ZNF385D: variants seen among roughly 807,000 people sequenced by gnomAD.
ZNF385D encodes zinc finger protein 659.
In ZNF385D, 15 loss-of-function variants were observed where a neutral mutation model predicts 35.8. The observed-to-expected ratio is 0.42, with a 90% CI of 0.28 to 0.64. ZNF385D has a LOEUF of 0.64. Ranked by LOEUF, ZNF385D falls within the 30% of genes least tolerant of loss-of-function variation. ZNF385D has a pLI of 0.23. For synonymous variants in ZNF385D, 212 were observed against 186.8 expected (o/e 1.13, Z -1.10); for missense variants, 474 against 494.6 (o/e 0.96, Z 0.39).
chr3:21,802,390 G>A (rs920889338), intron 3 of ZNF385D, among the ~76,000 whole-genome samples: 9 of 152,040 alleles, frequency 5.9e-5, no homozygotes, highest in African/African-American at 2.2e-4. Context: ...AGAACAACTT[G>A]TTTTTTCTTT....
chr3:21,512,039 C>T (rs750589505), intron 3 of ZNF385D, among the ~76,000 whole-genome samples: 14 of 147,256 alleles, frequency 9.5e-5, no homozygotes, highest in Non-Finnish European at 1.8e-4. Flanking sequence ...CCCAGCTACT[C>T]GGGAGGCTGA....
intron 3 of ZNF385D, among the ~76,000 whole-genome samples, chr3:21,526,856 C>T (rs1016148744): frequency 6.6e-6 from 1 of 152,108 alleles, no homozygotes; most frequent in South Asian, 2.1e-4. Flanking sequence ...CCATCTGACG[C>T]GATCGTTCTT....
chr3:21,493,745 G>A (rs1381092285), intron 4 of ZNF385D, among the ~76,000 whole-genome samples: 1 of 151,782 alleles, frequency 6.6e-6, no homozygotes, highest in African/African-American at 2.4e-5. Context: ...TTACAGCTAT[G>A]AGCCACTGTG....
chr3:22,033,363 C>G (rs543042033), intron 3 of ZNF385D, among the ~76,000 whole-genome samples: 8 of 151,372 alleles, frequency 5.3e-5, no homozygotes, highest in African/African-American at 1.9e-4. Context: ...GATCATGCCA[C>G]TGCACTCCAA....
intron 3 of ZNF385D, among the ~76,000 whole-genome samples, chr3:21,800,939 TCTTA>T (rs2072371223): frequency 6.6e-6 from 1 of 152,196 alleles, no homozygotes; most frequent in Non-Finnish European, 1.5e-5. Flanking sequence ...GGAAGAAAGC[TCTTA>T]CTCTTTCACC....
chr3:21,968,150 G>A (rs994860479), intron 3 of ZNF385D, among the ~76,000 whole-genome samples: 1 of 152,120 alleles, frequency 6.6e-6, no homozygotes, highest in African/African-American at 2.4e-5. Flanking sequence ...ATTCAGTGCT[G>A]CCCAGTCACA....
chr3:22,352,718 A>G (rs1466912976), intron 2 of ZNF385D, among the ~76,000 whole-genome samples: 4 of 152,120 alleles, frequency 2.6e-5, no homozygotes, highest in African/African-American at 9.7e-5. Context: ...TAATTCATTC[A>G]CTCTAAACAT....
At chr3:22,234,922 T>TA (rs1377684539) in intron 2 of ZNF385D, among the ~76,000 whole-genome samples, 3 of 152,076 alleles carry the variant, frequency 2.0e-5, no homozygotes, top group Non-Finnish European at 2.9e-5. Context: ...GCTTGATATT[T>TA]AGCCAGGCAA....
intron 1 of ZNF385D, among the ~76,000 whole-genome samples, chr3:21,675,721 T>A (rs535997538): frequency 6.6e-6 from 1 of 152,212 alleles, no homozygotes; most frequent in East Asian, 1.9e-4. Flanking sequence ...CATAAGCATC[T>A]TGCCTCCACA....
At chr3:22,092,417 C>A (rs1701380355) in intron 3 of ZNF385D, among the ~76,000 whole-genome samples, 1 of 152,174 alleles carries the variant, frequency 6.6e-6, no homozygotes, top group African/African-American at 2.4e-5. Flanking sequence ...ACAGTGCTGA[C>A]TCTGAAACCC....
intron 2 of ZNF385D, among the ~76,000 whole-genome samples, chr3:22,318,435 A>G (rs1042980579): frequency 2.0e-5 from 3 of 152,186 alleles, no homozygotes; most frequent in Non-Finnish European, 2.9e-5. Flanking sequence ...GTGTGAAGAA[A>G]GTGACGTCAG....
intron 3 of ZNF385D, among the ~76,000 whole-genome samples, chr3:22,015,789 C>A (rs573703054): frequency 2.4e-4 from 36 of 152,238 alleles, no homozygotes; most frequent in Admixed American, 2.0e-3. Flanking sequence ...CCTAGGAAGA[C>A]TGGCTTGGAT....
intron 3 of ZNF385D, among the ~76,000 whole-genome samples, chr3:22,000,208 G>C (rs982402735): frequency 2.0e-5 from 3 of 152,122 alleles, no homozygotes; most frequent in Non-Finnish European, 2.9e-5. Context: ...AGGAGGCTGA[G>C]GCAGGAGAAT....
intron 3 of ZNF385D, chr3:21,878,239 T>A (rs116216097): frequency 6.6e-6 from 1 of 151,988 alleles, no homozygotes; most frequent in African/African-American, 2.4e-5. Context: ...CCAGGTGATG[T>A]AGCTCATAAA....
intron 2 of ZNF385D, among the ~76,000 whole-genome samples, chr3:21,639,489 A>G (rs1159739080): frequency 2.0e-5 from 3 of 152,104 alleles, no homozygotes; most frequent in Non-Finnish European, 4.4e-5. Flanking sequence ...GCTTGAATTT[A>G]TCATGAGCTC....
At chr3:22,268,904 T>G (rs1452051227) in intron 2 of ZNF385D, among the ~76,000 whole-genome samples, 1 of 151,918 alleles carries the variant, frequency 6.6e-6, no homozygotes, top group Non-Finnish European at 1.5e-5. Context: ...AGAATGGGGT[T>G]GTGGTGAAGA....
intron 2 of ZNF385D, among the ~76,000 whole-genome samples, chr3:22,321,605 T>C (rs937341846): frequency 7.2e-5 from 11 of 152,114 alleles, no homozygotes; most frequent in Non-Finnish European, 1.6e-4. Flanking sequence ...GACCTCGTGA[T>C]CCACTCACCT....
intron 3 of ZNF385D, among the ~76,000 whole-genome samples, chr3:21,831,597 A>G (rs2125764436): frequency 6.6e-6 from 1 of 152,288 alleles, no homozygotes; most frequent in Middle Eastern, 3.4e-3. Flanking sequence ...ACTGAGTTTA[A>G]ATCTGGTTTA....
chr3:21,425,387 G>C (rs1483423212), intron 6 of ZNF385D, 105 bp downstream of exon 6: 1 of 1,196,570 alleles, frequency 8.4e-7, no homozygotes, highest in Non-Finnish European at 1.1e-6. Context: ...TGAATAGATG[G>C]GTGAATGGGA....
Sources: gnomAD v4.1 joint callset for allele counts (sites outside exome capture counted in the v4.1 genomes callset) on GRCh38, gnomAD v4.1.1 for gene constraint, MANE v1.5 for transcripts, NCBI Gene and HGNC (gene_info 2026-07-23, HGNC 2026-07-21) for gene names.